Variants in GUCY1B1 observed in about 807,000 individuals in gnomAD.
The protein encoded by GUCY1B1 is guanylate cyclase 1 soluble subunit beta 1, also known as guanylate cyclase soluble subunit beta-1.
GUCY1B1 carries 43 observed loss-of-function variants against 71.0 expected under a neutral mutation model. The observed-to-expected ratio is 0.61, with a 90% CI of 0.47 to 0.78. The LOEUF is 0.78. GUCY1B1 is among the 30% of genes least tolerant of loss of function. The probability of loss-of-function intolerance (pLI) is 0.00; values close to 1 mark genes in which losing one functional copy is unlikely to be tolerated. For synonymous variants in GUCY1B1, 266 were observed against 259.7 expected (o/e 1.02, Z -0.23); for missense variants, 535 against 754.1 (o/e 0.71, Z 3.40).
chr4:155,770,984 G>A (rs1439390172), intron 2 of GUCY1B1, among the ~76,000 whole-genome samples: 2 of 152,066 alleles, frequency 1.3e-5, no homozygotes, highest in African/African-American at 4.8e-5. Context: ...TAAAATATAA[G>A]CTTTATGAGG....
intron 4 of GUCY1B1, among the ~76,000 whole-genome samples, chr4:155,782,803 C>T (rs2111071957): frequency 6.6e-6 from 1 of 152,258 alleles, no homozygotes; most frequent in East Asian, 1.9e-4. Context: ...TGCGATGGTA[C>T]CTCTAGAAAC....
chr4:155,781,814 G>T (rs965955798), intron 4 of GUCY1B1, among the ~76,000 whole-genome samples: 10 of 151,820 alleles, frequency 6.6e-5, no homozygotes, highest in African/African-American at 2.2e-4. Flanking sequence ...GATGAAAAAA[G>T]TAATAATCTT....
chr4:155,783,922 C>T (rs891195136), intron 4 of GUCY1B1, among the ~76,000 whole-genome samples: 1 of 151,978 alleles, frequency 6.6e-6, no homozygotes, highest in Non-Finnish European at 1.5e-5. Flanking sequence ...TTTTTAAAAA[C>T]TTATGAAGGA....
At chr4:155,759,199 C>A in intron 1 of GUCY1B1, 56 bp downstream of exon 1, 1 of 1,521,130 alleles carries the variant, frequency 6.6e-7, no homozygotes, top group East Asian at 2.5e-5. Flanking sequence ...GCCGGCCTGG[C>A]AGCGAGGGAA....
chr4:155,775,867 T>C (rs1055560553), intron 3 of GUCY1B1, among the ~76,000 whole-genome samples: 3 of 152,238 alleles, frequency 2.0e-5, no homozygotes, highest in African/African-American at 7.2e-5. Flanking sequence ...GTAGTATCTA[T>C]TATTCCCACA....
chr4:155,777,474 A>G (rs770357490), intron 3 of GUCY1B1, 50 bp from the exon 4 acceptor site: 5 of 930,592 alleles, frequency 5.4e-6, no homozygotes, highest in Non-Finnish European at 8.9e-6. Flanking sequence ...TCTATTAACA[A>G]TATTTCACCT....
intron 9 of GUCY1B1, among the ~76,000 whole-genome samples, chr4:155,801,535 T>C (rs1329460554): frequency 6.6e-6 from 1 of 152,194 alleles, no homozygotes; most frequent in Admixed American, 6.5e-5. Flanking sequence ...AGGAAAAACA[T>C]TGAGAGCTCA....
intron 11 of GUCY1B1, among the ~76,000 whole-genome samples, chr4:155,804,382 G>A (rs1740165823): frequency 6.6e-6 from 1 of 152,068 alleles, no homozygotes; most frequent in East Asian, 1.9e-4. Context: ...GGCAAGGGGA[G>A]GGAGAGCATT....
At chr4:155,762,854 A>G (rs1737088239) in intron 2 of GUCY1B1, among the ~76,000 whole-genome samples, 1 of 152,202 alleles carries the variant, frequency 6.6e-6, no homozygotes, top group Non-Finnish European at 1.5e-5. Context: ...ACCAAACCAG[A>G]CAAAGTGGGC....
rs1466497238 is a variant in GUCY1B1 at position 155,805,130 on chromosome 4, T to C, written c.1737T>C (p.Asp579=). 1 of 1,612,102 alleles carries C rather than the reference T, an allele frequency of 6.2e-7. No homozygotes were observed. The highest frequency in any genetic ancestry group is 1.1e-5 in the South Asian group (1 of 91,010). The change falls in exon 13 of 14, where the codon GAT becomes GAC. Residue 579 remains aspartate (D), a synonymous_variant. Transcript: ENST00000264424. Reference sequence around the variant, plus strand: ...GTCTTATGTCTCCAGAAAATTCAGATCCACAATTCCACTTGGAGCACAGAG... The same window carrying C: ...GTCTTATGTCTCCAGAAAATTCAGACCCACAATTCCACTTGGAGCACAGAG... ...YRCLMSPENS[D]PQFHLEHRGP...
rs191023398 is a variant in GUCY1B1, at chr4:155,764,613, T to C, written c.77+4753T>C. ...TCCTCAGTACAAATAAACACATTAA[T>C]ATACAGACTAAGGAAACAAGTAAAC... On this transcript the variant is annotated intron_variant, in intron 2 of 13. Transcript: ENST00000264424. 9.8e-5 allele frequency among the ~76,000 whole-genome samples: 15 copies of C among 152,310 alleles called. No homozygotes were observed. In the East Asian group the frequency reaches 2.9e-3, roughly 29 times the overall value.
At chr4:155,778,007 A>T (rs889468381) in intron 4 of GUCY1B1, among the ~76,000 whole-genome samples, 2 of 151,990 alleles carry the variant, frequency 1.3e-5, no homozygotes, top group Non-Finnish European at 2.9e-5. Context: ...CTTATTTTCT[A>T]TTTACAAAAC....
intron 13 of GUCY1B1, 35 bp downstream of exon 13, chr4:155,805,264 G>C: frequency 6.4e-7 from 1 of 1,567,764 alleles, no homozygotes; most frequent in South Asian, 1.2e-5. Context: ...GCGTACTTAA[G>C]ACAGAGTATA....
chr4:155,789,692 C>T (rs183422178), intron 4 of GUCY1B1, 22 bp from the exon 5 acceptor site: 976 of 1,432,676 alleles, frequency 6.8e-4, no homozygotes, highest in Non-Finnish European at 8.9e-4. Context: ...GTTTATTGGT[C>T]TCCCTTTCTT....
chr4:155,797,905 A>G (rs892881226), intron 8 of GUCY1B1, among the ~76,000 whole-genome samples: 1 of 152,000 alleles, frequency 6.6e-6, no homozygotes, highest in African/African-American at 2.4e-5. Flanking sequence ...AAACAAAACT[A>G]AGAAACATAA....
rs1740046548 is a variant in GUCY1B1, at chr4:155,802,747, T to A, written c.1413+168T>A. Among the ~76,000 whole-genome samples the A allele has an allele frequency of 6.6e-6, 1 of 152,190 alleles. No individual in the cohort carries two copies. The highest frequency in any genetic ancestry group is 6.5e-5 in the Admixed American group (1 of 15,276). On this transcript the variant is annotated intron_variant, in intron 10 of 13. Transcript: ENST00000264424. The surrounding 1 kb of genome is among the most constrained non-coding windows in gnomAD (Gnocchi z 4.3). ...CATGTTCTTAAATAATTGCCTCTTGTTATAAAACTGTCTCTTCCTTGTAAC... is the reference window on the plus strand; with the variant it reads ...CATGTTCTTAAATAATTGCCTCTTGATATAAAACTGTCTCTTCCTTGTAAC...
rs958037478 is a variant in GUCY1B1, at chr4:155,802,180, A to T, written c.1176-162A>T. On this transcript the variant is annotated intron_variant, in intron 9 of 13. Coordinates refer to ENST00000264424, the MANE Select transcript of GUCY1B1 (RefSeq NM_000857.5). This position sits in a 1 kb window ranked among gnomAD's most constrained non-coding sequence, Gnocchi z 4.3. The stretch of plus-strand genomic sequence containing the variant: ...TTATGTTTTCTGTAAATCCTTGCTT[A>T]TAAATACAGCTAATATTTGATGCTA... The T allele has an allele frequency of 4.8e-6, 7 of 1,453,248 alleles. No individual in the cohort carries two copies. The highest frequency in any genetic ancestry group is 6.4e-6 in the Non-Finnish European group (7 of 1,101,662). 90.0% of individuals were successfully genotyped at this position (1,453,248 alleles called of 1,614,324 possible).
rs1389887230 is a variant in GUCY1B1 at position 155,807,196 on chromosome 4, G to C, written c.*787G>C. On this transcript the variant is annotated 3_prime_UTR_variant, in exon 14 of 14. Coordinates refer to ENST00000264424, the MANE Select transcript of GUCY1B1 (RefSeq NM_000857.5). ...TGTTTCACATTGAGCTGTTACATTA[G>C]TTCAGGCTAAATGTTGGGAGCTCCA... 6.6e-6 allele frequency: 1 copy of C among 152,164 alleles called. No individual in the cohort carries two copies. Among genetic ancestry groups the C allele is most frequent in the East Asian group, 1.9e-4 (1 of 5,196 alleles). 9.4% of individuals were successfully genotyped at this position (152,164 alleles called of 1,614,324 possible). A position where few individuals can be genotyped will look rare whatever the true frequency, so the allele number is the denominator to read the frequency against.
At chr4:155,783,984 T>C (rs1168487766) in intron 4 of GUCY1B1, among the ~76,000 whole-genome samples, 1 of 152,188 alleles carries the variant, frequency 6.6e-6, no homozygotes, top group African/African-American at 2.4e-5. Flanking sequence ...ATAACTGGTA[T>C]ATATTTTCAT....
Sources: gnomAD v4.1 joint callset for allele counts (sites outside exome capture counted in the v4.1 genomes callset) on GRCh38, gnomAD v4.1.1 for gene constraint, Gnocchi (gnomAD v3.1) non-coding constraint, MANE v1.5 for transcripts, NCBI Gene and HGNC (gene_info 2026-07-23, HGNC 2026-07-21) for gene names.